Variants in STAT2 observed in about 807,000 individuals in gnomAD.
STAT2 encodes signal transducer and activator of transcription 2, also known as interferon alpha induced transcriptional activator.
In STAT2, 51 loss-of-function variants were observed where a neutral mutation model predicts 122.3. The observed-to-expected ratio is 0.42, with a 90% CI of 0.33 to 0.53. The LOEUF is 0.53. STAT2 is among the 20% of genes least tolerant of loss of function. The probability of loss-of-function intolerance (pLI) is 0.10; values close to 1 mark genes in which losing one functional copy is unlikely to be tolerated. For synonymous variants in STAT2, 351 were observed against 394.9 expected (o/e 0.89, Z 1.32); for missense variants, 736 against 1,010.3 (o/e 0.73, Z 3.68).
chr12:56,344,125 C>T lies in STAT2; in HGVS notation c.2113G>A (p.Glu705Lys), dbSNP rs1276942001. ...LIVVSNRQVD[E>K]LQQPLELKPE... ...TTAAGCTCCAGCGGTTGTTGCAGTT[C>T]ATCCACCTGTCTGGATACCCAAAGA... Residue 705 changes from glutamate (E) to lysine (K), a missense_variant, in exon 23 of 24, where the codon GAA (glutamate) becomes AAA (lysine). Glu to Lys is a moderately conservative substitution (Grantham distance 56, BLOSUM62 1). Transcript: ENST00000314128. 1 of 1,554,770 alleles carries T rather than the reference C, an allele frequency of 6.4e-7. No homozygotes were observed. The highest frequency in any genetic ancestry group is 2.0e-5 in the Admixed American group (1 of 51,218).
At position 56,348,981 on chromosome 12, in the gene STAT2, A is replaced by G; in HGVS notation, c.1519T>C (p.Tyr507His). The change falls in exon 17 of 24, where the codon TAT becomes CAT. Residue 507 changes from tyrosine to histidine, a missense_variant. Coordinates refer to ENST00000314128, the MANE Select transcript of STAT2 (RefSeq NM_005419.4). ...TCTGAGTTGAGGCCTCGGCCAACAT[A>G]GGAGGAGAACTGCCAACTGAGAGCA... ...GPALSWQFSS[Y>H]VGRGLNSDQL... 6.2e-7 allele frequency: 1 copy of G among 1,613,944 alleles called. No individual in the cohort carries two copies. The highest frequency in any genetic ancestry group is 1.3e-5 in the African/African-American group (1 of 75,052).
Position 56,343,149 on chromosome 12 carries a change from G to A in STAT2, c.*240C>T. ...ACCCCTATACCTCCCAGCACAGCAG[G>A]CAGCCTCCAGGATCCTATTTAGACC... On this transcript the variant is annotated 3_prime_UTR_variant, in exon 24 of 24. Transcript: ENST00000314128. The A allele has an allele frequency of 2.1e-6, 1 of 474,096 alleles. No homozygotes were observed. Among genetic ancestry groups the A allele is most frequent in the Non-Finnish European group, 3.6e-6 (1 of 281,208 alleles). 29.4% of individuals were successfully genotyped at this position (474,096 alleles called of 1,614,324 possible).
At chr12:56,357,977 A>G (rs1256792980) in intron 1 of STAT2, among the ~76,000 whole-genome samples, 3 of 152,054 alleles carry the variant, frequency 2.0e-5, no homozygotes, top group African/African-American at 7.2e-5. Flanking sequence ...GCCGGGATTA[A>G]CAGGCATGAG....
chr12:56,355,918 C>T (rs899102224), intron 3 of STAT2, 115 bp from the exon 4 acceptor site: 6 of 1,298,996 alleles, frequency 4.6e-6, no homozygotes, highest in Admixed American at 4.0e-5. Flanking sequence ...GGTTCTTAGC[C>T]CTTTGTCTTT....
intron 8 of STAT2, among the ~76,000 whole-genome samples, chr12:56,354,040 T>TATA (rs1157971570): frequency 1.9e-5 from 1 of 53,360 alleles, no homozygotes; most frequent in African/African-American, 5.4e-5. Flanking sequence ...TATATATATA[T>TATA]AAAAAATACT....
rs1879364569 is a variant in STAT2, at chr12:56,355,504, G to A, written c.410C>T (p.Pro137Leu). The A allele has an allele frequency of 6.2e-7, 1 of 1,613,972 alleles. No homozygotes were observed. The highest frequency in any genetic ancestry group is 1.3e-5 in the African/African-American group (1 of 74,894). Residue 137 changes from proline (P) to leucine (L), a missense_variant, in exon 5 of 24, where the codon CCT becomes CTT. Pro to Leu is a moderately conservative substitution (Grantham distance 98). Transcript: ENST00000314128. ...AATCTCATGTTGCTGGCTCTCCACA[G>A]GTGTTTCGAGAACTGGCTCTCCTTG... ...LEQGEPVLETPVESQQHEIES... is the reference protein window; with the variant it reads ...LEQGEPVLETLVESQQHEIES...
chr12:56,349,661 A>G lies in STAT2; in HGVS notation c.1210-25T>C, dbSNP rs765927229. 6.2e-6 allele frequency: 10 copies of G among 1,614,146 alleles called. No individual in the cohort carries two copies. In the South Asian group the frequency reaches 1.1e-4, roughly 18 times the overall value. On this transcript the variant is annotated intron_variant, in intron 13 of 23. Transcript: ENST00000314128. ...TCTGTGAATTGAAGGGAAGGAGAGA[A>G]AATGCCAGAGTGGGCACCCTAGTGT...
intron 22 of STAT2, 33 bp from the exon 23 acceptor site, chr12:56,344,168 C>T (rs1262150367): frequency 6.5e-7 from 1 of 1,531,110 alleles, no homozygotes; most frequent in South Asian, 1.2e-5. Context: ...AGGGGCAGGG[C>T]TCAGTGGTTC....
rs1205254900 is a variant in STAT2, at chr12:56,351,183, C to G, written c.949G>C (p.Val317Leu). ...LLQRLLHRAF[V>L]VETQPCMPQT... Reference sequence around the variant, plus strand: ...GGCATGCAGGGCTGGGTTTCTACCACAAAGGCTCTGAGGAGAGAGAGGTGT... The same window carrying G: ...GGCATGCAGGGCTGGGTTTCTACCAGAAAGGCTCTGAGGAGAGAGAGGTGT... Residue 317 changes from valine to leucine, a missense_variant, in exon 10 of 24, where the codon GTG (valine) becomes CTG (leucine). Transcript: ENST00000314128. The G allele has an allele frequency of 6.2e-7, 1 of 1,613,672 alleles. No individual in the cohort carries two copies. The highest frequency in any genetic ancestry group is 8.5e-7 in the Non-Finnish European group (1 of 1,179,824).
In STAT2 at chr12:56,348,714, G is replaced by A. The variant is rs775107619; in HGVS notation, c.1629+38C>T. The A allele has an allele frequency of 9.9e-6, 16 of 1,613,900 alleles. No homozygotes were observed. The Admixed American group carries it at 2.3e-4, about 24-fold the overall frequency. On this transcript the variant is annotated intron_variant, in intron 18 of 23. Transcript: ENST00000314128. ...TGGGAAGGCCAGTATTTGGAATGTG[G>A]GCTAGATCCAGCAGCTCCACAGGAT...
Position 56,355,357 on chromosome 12 carries a change from GA to G in STAT2, c.472-7del. The G allele has an allele frequency of 6.2e-7, 1 of 1,614,194 alleles. No individual in the cohort carries two copies. On this transcript the variant is annotated splice_polypyrimidine_tract_variant and splice_region_variant and intron_variant, in intron 5 of 23. Coordinates refer to ENST00000314128, the MANE Select transcript of STAT2 (RefSeq NM_005419.4). The stretch of plus-strand genomic sequence containing the variant: ...CTGATGGATTTTACCAGCTTCTGCA[GA>G]GGGGAGAGGACCCCGATGAGGCTGC...
At chr12:56,343,672 G>C in intron 23 of STAT2, 141 bp from the exon 24 acceptor site, 1 of 1,519,216 alleles carries the variant, frequency 6.6e-7, no homozygotes, top group Non-Finnish European at 8.9e-7. Context: ...AGGGAGGTGG[G>C]GGAAGGCATG....
Position 56,350,941 on chromosome 12 carries a change from A to G in STAT2, c.1035-53T>C, listed in dbSNP as rs1186530858. 18 of 1,602,338 alleles carry G rather than the reference A, an allele frequency of 1.1e-5. No individual in the cohort carries two copies. In the Admixed American group the frequency reaches 3.0e-4, roughly 27 times the overall value. ...AGTGGTCAACCTCAACCTTCCGGAT[A>G]GACTAGATGTTTGAAAAAGAGAAGA... is the stretch of plus-strand genomic sequence containing the variant. On this transcript the variant is annotated intron_variant, in intron 10 of 23. Coordinates refer to ENST00000314128, the MANE Select transcript of STAT2 (RefSeq NM_005419.4).
chr12:56,353,202 T>C (rs555189275), intron 8 of STAT2, among the ~76,000 whole-genome samples: 2 of 152,336 alleles, frequency 1.3e-5, no homozygotes, highest in South Asian at 4.1e-4. Context: ...CAGGCTGGTC[T>C]TGAACTCCTG....
rs189063117 is a variant in STAT2, at chr12:56,344,129, C to T, written c.2109G>A (p.Val703=). Reference sequence around the variant, plus strand: ...GCTCCAGCGGTTGTTGCAGTTCATCCACCTGTCTGGATACCCAAAGACAGA... The same window carrying T: ...GCTCCAGCGGTTGTTGCAGTTCATCTACCTGTCTGGATACCCAAAGACAGA... ...HRLIVVSNRQ[V]DELQQPLELK... Residue 703 remains valine, a synonymous_variant, in exon 23 of 24, where the codon GTG becomes GTA. Transcript: ENST00000314128. 7.1e-6 allele frequency: 11 copies of T among 1,553,162 alleles called. No individual in the cohort carries two copies. Among genetic ancestry groups the T allele is most frequent in the East Asian group, 4.9e-5 (2 of 41,038 alleles).
intron 10 of STAT2, 84 bp from the exon 11 acceptor site, chr12:56,350,972 T>C (rs1340217342): frequency 9.5e-6 from 15 of 1,580,250 alleles, no homozygotes; most frequent in Non-Finnish European, 1.0e-5. Context: ...GAAGAGGGAT[T>C]ATAAGAGGTA....
intron 23 of STAT2, 58 bp downstream of exon 23, chr12:56,343,767 G>A (rs1259190128): frequency 3.8e-6 from 6 of 1,593,760 alleles, no homozygotes; most frequent in Non-Finnish European, 5.1e-6. Context: ...ATGGGAGAGG[G>A]AGAAGAGGTA....
Position 56,351,204 on chromosome 12 carries a change from G to C in STAT2, c.942-14C>G, listed in dbSNP as rs111278603. On this transcript the variant is annotated splice_polypyrimidine_tract_variant and intron_variant, in intron 9 of 23. Coordinates refer to ENST00000314128, the MANE Select transcript of STAT2 (RefSeq NM_005419.4). ...ACCACAAAGGCTCTGAGGAGAGAGA[G>C]GTGTGGAGAGAATATATAGCTCAGT... 2.2e-5 allele frequency: 36 copies of C among 1,612,582 alleles called. 1 individual carries two copies. In the African/African-American group the frequency reaches 2.3e-4, roughly 10 times the overall value.
chr12:56,349,689 C>G, intron 13 of STAT2, 53 bp from the exon 14 acceptor site: 1 of 1,611,358 alleles, frequency 6.2e-7, no homozygotes, highest in East Asian at 2.2e-5. Context: ...CCTAGTGTCC[C>G]TGGAACCCCT....
Sources: gnomAD v4.1 joint callset for allele counts (sites outside exome capture counted in the v4.1 genomes callset) on GRCh38, gnomAD v4.1.1 for gene constraint, MANE v1.5 for transcripts, NCBI Gene and HGNC (gene_info 2026-07-23, HGNC 2026-07-21) for gene names.